EXOC2: variants seen among roughly 807,000 people sequenced by gnomAD.
The protein encoded by EXOC2 is exocyst complex component 2, also known as SEC5-like 1.
Under a neutral mutation model 131.8 loss-of-function variants are expected in EXOC2, and 70 were observed. The ratio of observed to expected loss-of-function variants is 0.53; its 90% CI spans 0.44 to 0.65. The LOEUF (loss-of-function observed/expected upper bound fraction) is 0.65. Among genes scored for constraint, EXOC2 ranks in the 30% least tolerant of loss-of-function variants. The pLI is 0.00. For synonymous variants in EXOC2, 411 were observed against 398.4 expected, an observed-to-expected ratio of 1.03 and a Z score of -0.38; for missense variants, 923 against 1,108.6, an observed-to-expected ratio of 0.83 and a Z score of 2.38.
intron 1 of EXOC2, 62 bp downstream of exon 1, chr6:692,957 C>T (rs1031496374): frequency 1.3e-5 from 2 of 152,488 alleles, no homozygotes; most frequent in Non-Finnish European, 2.9e-5. Flanking sequence ...CGGCCACCTC[C>T]GTGCAGCTGA....
In EXOC2 at chr6:515,009, G is replaced by C. The variant is rs530861279; in HGVS notation, c.2381-15309C>G. On this transcript the variant is annotated intron_variant, in intron 23 of 27. Coordinates refer to ENST00000230449, the MANE Select transcript of EXOC2 (RefSeq NM_018303.6). ...CTCTAAACGAACAGTTCTTAAAACT[G>C]CTTTCAGTTCTAGCCATAATAAAGG... 6.6e-5 allele frequency among the ~76,000 whole-genome samples: 10 copies of C among 152,350 alleles called. No homozygotes were observed. In the South Asian group the frequency reaches 2.1e-3, roughly 32 times the overall value.
intron 22 of EXOC2, among the ~76,000 whole-genome samples, chr6:540,108 C>A (rs1007640790): frequency 8.5e-5 from 13 of 152,212 alleles, no homozygotes; most frequent in African/African-American, 3.1e-4. Flanking sequence ...CATGCGCACA[C>A]CATGCCCAGC....
chr6:498,584 A>G (rs1410493781), intron 24 of EXOC2, among the ~76,000 whole-genome samples: 2 of 152,176 alleles, frequency 1.3e-5, no homozygotes, highest in African/African-American at 2.4e-5. Flanking sequence ...TTTCCCTTTC[A>G]TAAGAACTGG....
intron 22 of EXOC2, among the ~76,000 whole-genome samples, chr6:547,391 G>T (rs1756923347): frequency 6.6e-6 from 1 of 152,202 alleles, no homozygotes; most frequent in Non-Finnish European, 1.5e-5. Context: ...CTGAGAGAAG[G>T]TCTCACACCC....
chr6:637,892 AC>A, intron 1 of EXOC2, 31 bp from the exon 2 acceptor site: 1 of 1,305,300 alleles, frequency 7.7e-7, no homozygotes, highest in South Asian at 1.3e-5. Flanking sequence ...AAGGATTAGT[AC>A]CAACTGAGAC....
chr6:513,983 G>A (rs1484768627), intron 23 of EXOC2, among the ~76,000 whole-genome samples: 3 of 152,200 alleles, frequency 2.0e-5, no homozygotes. Flanking sequence ...TAGAGTTTAA[G>A]CACATTGATT....
chr6:568,393 C>T (rs963871561), intron 13 of EXOC2, among the ~76,000 whole-genome samples: 2 of 152,228 alleles, frequency 1.3e-5, no homozygotes, highest in African/African-American at 4.8e-5. Context: ...CATGTGCTCT[C>T]CTTAGGTCTC....
intron 1 of EXOC2, among the ~76,000 whole-genome samples, chr6:692,026 C>A (rs1764950945): frequency 6.6e-6 from 1 of 152,182 alleles, no homozygotes; most frequent in Non-Finnish European, 1.5e-5. Flanking sequence ...AAAGCATGGG[C>A]CAGTACATAC....
intron 1 of EXOC2, chr6:656,601 G>A (rs1190273257): frequency 1.0e-5 from 16 of 1,596,140 alleles, no homozygotes; most frequent in Non-Finnish European, 1.2e-5. Context: ...CAGCTCCACC[G>A]CCACCGTGAG....
intron 23 of EXOC2, among the ~76,000 whole-genome samples, chr6:528,416 CAACTT>C (rs1394950241): frequency 6.6e-6 from 1 of 152,152 alleles, no homozygotes; most frequent in Admixed American, 6.5e-5. Context: ...CACAAGGTCT[CAACTT>C]AAGTCAGCTT....
chr6:500,830 T>A (rs576725629), intron 23 of EXOC2, among the ~76,000 whole-genome samples: 150 of 152,020 alleles, frequency 9.9e-4, no homozygotes, highest in African/African-American at 3.5e-3. Flanking sequence ...TCATCCACGC[T>A]ACTGGTTAGT....
At chr6:587,547 G>A (rs891838924) in intron 11 of EXOC2, among the ~76,000 whole-genome samples, 2 of 152,226 alleles carry the variant, frequency 1.3e-5, no homozygotes, top group African/African-American at 4.8e-5. Context: ...CCCGGCCATA[G>A]ATATGTGTAT....
intron 27 of EXOC2, among the ~76,000 whole-genome samples, chr6:487,819 C>T (rs977608278): frequency 1.3e-5 from 2 of 152,140 alleles, no homozygotes; most frequent in Non-Finnish European, 2.9e-5. Context: ...CACGGTTTAA[C>T]AATGTTCAAT....
chr6:584,058 CCTT>C (rs1379114252), intron 11 of EXOC2, among the ~76,000 whole-genome samples: 5 of 152,096 alleles, frequency 3.3e-5, no homozygotes, highest in Non-Finnish European at 7.4e-5. Context: ...TAATGTGCAA[CCTT>C]ATTATGATAA....
At chr6:556,426 A>G in intron 18 of EXOC2, 58 bp downstream of exon 18, 1 of 1,561,836 alleles carries the variant, frequency 6.4e-7, no homozygotes, top group Non-Finnish European at 8.8e-7. Flanking sequence ...AAAATTTACA[A>G]CTATGATTCC....
At position 532,476 on chromosome 6, in the gene EXOC2, A is replaced by C; in HGVS notation, c.2373T>G (p.Pro791=). Residue 791 remains proline (P), a synonymous_variant, in exon 23 of 28, where the codon CCT becomes CCG. Transcript: ENST00000230449. The part of the protein sequence containing the change: ...AGYFDWKDCL[P]PTGVRNYLKE... ...AGAAACTTTATTACTTACCTGTTGG[A>C]GGCAGGCAGTCCTTCCAATCAAAAT... is the stretch of plus-strand genomic sequence containing the variant. 6.3e-7 allele frequency: 1 copy of C among 1,591,044 alleles called. No individual in the cohort carries two copies. The highest frequency in any genetic ancestry group is 8.5e-7 in the Non-Finnish European group (1 of 1,172,492).
At chr6:532,835 T>C (rs1766168189) in intron 22 of EXOC2, among the ~76,000 whole-genome samples, 1 of 152,226 alleles carries the variant, frequency 6.6e-6, no homozygotes, top group East Asian at 1.9e-4. Context: ...ATTGTATTAG[T>C]CCGTTCTCAT....
rs141295286 is a variant in EXOC2 at position 659,946 on chromosome 6, G to T, written c.-43-22085C>A. 2.0e-3 allele frequency among the ~76,000 whole-genome samples: 298 copies of T among 151,198 alleles called. 2 individuals are homozygous for T. The highest frequency in any genetic ancestry group is 3.7e-3 in the Admixed American group (56 of 15,158). On this transcript the variant is annotated intron_variant, in intron 1 of 27. Coordinates refer to ENST00000230449, the MANE Select transcript of EXOC2 (RefSeq NM_018303.6). ...AGCCTTTTTAGTTCGCAGCTGGGAG[G>T]CAGGTAGCCTGGGGCAGATTTTCAA...
At position 589,435 on chromosome 6, in the gene EXOC2, G is replaced by A. The variant is rs112013968; in HGVS notation, c.1192+3034C>T. On this transcript the variant is annotated intron_variant, in intron 11 of 27. Coordinates refer to ENST00000230449, the MANE Select transcript of EXOC2 (RefSeq NM_018303.6). Reference sequence around the variant, plus strand: ...TCAATGCCGATCCGGAGAACTGACTGTCGTTGTTTAGGTTCAACTGAGATT... The same window carrying A: ...TCAATGCCGATCCGGAGAACTGACTATCGTTGTTTAGGTTCAACTGAGATT... Among the ~76,000 whole-genome samples the A allele has an allele frequency of 7.1e-3, 1,075 of 152,034 alleles. 10 individuals carry two copies. The highest frequency in any genetic ancestry group is 0.024 in the Middle Eastern group (7 of 294).
Sources: gnomAD v4.1 joint callset for allele counts (sites outside exome capture counted in the v4.1 genomes callset) on GRCh38, gnomAD v4.1.1 for gene constraint, MANE v1.5 for transcripts, NCBI Gene and HGNC (gene_info 2026-07-23, HGNC 2026-07-21) for gene names.